The following ATP2C2 variants were observed in gnomAD, a reference collection of about 807,000 sequenced individuals.
ATP2C2 encodes the protein ATPase secretory pathway Ca2+ transporting 2.
Under a neutral mutation model 110.8 loss-of-function variants are expected in ATP2C2, and 171 were observed. That is an observed-to-expected ratio of 1.54 (90% CI 1.36 to 1.75). The LOEUF (loss-of-function observed/expected upper bound fraction) is 1.75, where lower values mean the gene tolerates loss of function less well. ATP2C2 is among the 40% of genes most tolerant of loss of function. ATP2C2 has a pLI of 0.00. For missense variants in ATP2C2, 1,963 were observed against 1,235.0 expected (o/e 1.59, Z -8.84); for synonymous variants, 804 against 508.4 (o/e 1.58, Z -7.82).
chr16:84,453,087 G>A (rs556731945), intron 18 of ATP2C2, 51 bp from the exon 19 acceptor site: 2 of 1,542,826 alleles, frequency 1.3e-6, no homozygotes, highest in East Asian at 2.4e-5. Flanking sequence ...CGGGAGTGAG[G>A]GGTGGGGACG....
rs112540313 is a variant in ATP2C2, at chr16:84,370,675, CT to C, written c.99+1974del. Among the ~76,000 whole-genome samples the C allele has an allele frequency of 5.6e-3, 808 of 143,606 alleles. 6 individuals carry two copies. The highest frequency in any genetic ancestry group is 0.013 in the African/African-American group (506 of 39,106). The allele number at this position is 143,606 out of a possible 152,430, so 94.2% of individuals were successfully genotyped here. ...TCACTTCTACAATAGTTGGAATTGT[CT>C]TTTTTTTTTTTTGCGTTATTTCATA... On this transcript the variant is annotated intron_variant, in intron 1 of 26. Coordinates refer to ENST00000262429, the MANE Select transcript of ATP2C2 (RefSeq NM_014861.4).
chr16:84,447,910 ATTAT>A (rs1567733906), intron 16 of ATP2C2, among the ~76,000 whole-genome samples: 4 of 116,282 alleles, frequency 3.4e-5, no homozygotes, highest in African/African-American at 1.2e-4. Flanking sequence ...TTAATATTAT[ATTAT>A]CTTATAACAG....
chr16:84,444,945 C>G (rs1377190206), intron 15 of ATP2C2, among the ~76,000 whole-genome samples: 2 of 152,142 alleles, frequency 1.3e-5, no homozygotes, highest in African/African-American at 4.8e-5. Context: ...CATTATTGCT[C>G]CTGGATTAGG....
In ATP2C2 at chr16:84,407,925, A is replaced by G. The variant is rs551021144; in HGVS notation, c.328-480A>G. 6.6e-5 allele frequency among the ~76,000 whole-genome samples: 10 copies of G among 152,340 alleles called. No homozygotes were observed. The South Asian group carries it at 1.9e-3, about 28-fold the overall frequency. ...GGCAGATATATAAAATAAAGTAAAA[A>G]TCTTCTCAGGAAGTTTTGGGAACGG... On this transcript the variant is annotated intron_variant, in intron 3 of 26. Transcript: ENST00000262429.
intron 11 of ATP2C2, among the ~76,000 whole-genome samples, chr16:84,435,532 A>G (rs1175647020): frequency 1.3e-5 from 2 of 152,226 alleles, no homozygotes; most frequent in East Asian, 3.8e-4. Context: ...CAGAGGATAA[A>G]AACAGCCACC....
chr16:84,390,206 A>G (rs56321648), intron 1 of ATP2C2, among the ~76,000 whole-genome samples: 3 of 152,226 alleles, frequency 2.0e-5, no homozygotes, highest in African/African-American at 7.2e-5. Context: ...CAAGTTCGCA[A>G]TGAACCGAAT....
chr16:84,459,006 C>A lies in ATP2C2; in HGVS notation c.2148-114C>A, dbSNP rs115332632. The A allele has an allele frequency of 1.3e-4, 156 of 1,168,472 alleles. 1 individual carries two copies. The African/African-American group carries it at 2.1e-3, about 16-fold the overall frequency. 72.4% of individuals were successfully genotyped at this position (1,168,472 alleles called of 1,614,324 possible). On this transcript the variant is annotated intron_variant, in intron 21 of 26. Coordinates refer to ENST00000262429, the MANE Select transcript of ATP2C2 (RefSeq NM_014861.4). ...TGCCAGCAAGGGGAACCAGCAGGGG[C>A]CCAAGTATAACATCAATCTGGGCGA...
At chr16:84,400,412 C>T (rs1380806391) in intron 2 of ATP2C2, among the ~76,000 whole-genome samples, 4 of 151,760 alleles carry the variant, frequency 2.6e-5, no homozygotes, top group African/African-American at 7.3e-5. Context: ...CTGCAAGCTC[C>T]GCCTCCTGGG....
intron 11 of ATP2C2, among the ~76,000 whole-genome samples, chr16:84,429,254 C>T (rs1175225745): frequency 6.6e-6 from 1 of 152,176 alleles, no homozygotes; most frequent in African/African-American, 2.4e-5. Context: ...CAGGTTCATG[C>T]AATTCTCCTG....
intron 4 of ATP2C2, among the ~76,000 whole-genome samples, chr16:84,409,650 T>TGC (rs1906095511): frequency 6.6e-6 from 1 of 152,060 alleles, no homozygotes; most frequent in African/African-American, 2.4e-5. Flanking sequence ...CCGCCACCAC[T>TGC]CCTGGTTAAT....
intron 26 of ATP2C2, among the ~76,000 whole-genome samples, 188 bp from the exon 27 acceptor site, chr16:84,463,426 G>C (rs1031060663): frequency 3.3e-5 from 5 of 152,140 alleles, no homozygotes; most frequent in African/African-American, 1.2e-4. Context: ...GGAACCACAG[G>C]CAGGCCCTTC....
intron 11 of ATP2C2, among the ~76,000 whole-genome samples, chr16:84,429,649 G>C (rs966536188): frequency 1.3e-5 from 2 of 152,056 alleles, no homozygotes; most frequent in Non-Finnish European, 1.5e-5. Flanking sequence ...GAATCGATGG[G>C]AATCAAGGGC....
At chr16:84,452,174 C>G (rs559920693) in intron 18 of ATP2C2, 83 bp downstream of exon 18, 1 of 1,551,240 alleles carries the variant, frequency 6.4e-7, no homozygotes, top group Non-Finnish European at 8.8e-7. Flanking sequence ...GGGAAGCCTC[C>G]GCAAACTCGG....
At chr16:84,370,652 A>C (rs1405132035) in intron 1 of ATP2C2, among the ~76,000 whole-genome samples, 2 of 148,746 alleles carry the variant, frequency 1.3e-5, no homozygotes, top group Admixed American at 1.3e-4. Context: ...TGAGGTGATC[A>C]CTTCTACAAT....
intron 1 of ATP2C2, among the ~76,000 whole-genome samples, chr16:84,370,737 T>C (rs1909906139): frequency 6.6e-6 from 1 of 151,464 alleles, no homozygotes; most frequent in Admixed American, 6.6e-5. Context: ...CACTCCTCAA[T>C]AGAACCGTCT....
intron 1 of ATP2C2, among the ~76,000 whole-genome samples, chr16:84,379,764 G>T (rs1049684900): frequency 3.3e-5 from 5 of 152,140 alleles, no homozygotes; most frequent in African/African-American, 1.2e-4. Context: ...TGAGCAAAGC[G>T]CTGATCCTAC....
chr16:84,450,541 C>G (rs925549290), intron 17 of ATP2C2, among the ~76,000 whole-genome samples: 2 of 152,102 alleles, frequency 1.3e-5, no homozygotes, highest in African/African-American at 4.8e-5. Context: ...GCAGGGGATG[C>G]TCCTGGGTTG....
Position 84,463,782 on chromosome 16 carries a change from C to T in ATP2C2, c.*50C>T, listed in dbSNP as rs376838797. The T allele has an allele frequency of 5.4e-6, 8 of 1,491,268 alleles. No homozygotes were observed. The African/African-American group carries it at 8.3e-5, about 16-fold the overall frequency. 92.4% of individuals were successfully genotyped at this position (1,491,268 alleles called of 1,614,324 possible). ...CCTAATCATCTCGATCTGGTTGTGACTGTGGCCCCTGCCGTGTCTCCTCGT... is the reference window on the plus strand; with the variant it reads ...CCTAATCATCTCGATCTGGTTGTGATTGTGGCCCCTGCCGTGTCTCCTCGT... On this transcript the variant is annotated 3_prime_UTR_variant, in exon 27 of 27. Coordinates refer to ENST00000262429, the MANE Select transcript of ATP2C2 (RefSeq NM_014861.4).
chr16:84,448,368 T>A (rs1052484518), intron 16 of ATP2C2, among the ~76,000 whole-genome samples, 165 bp from the exon 17 acceptor site: 1 of 152,196 alleles, frequency 6.6e-6, no homozygotes, highest in African/African-American at 2.4e-5. Flanking sequence ...ATTCTAGAAC[T>A]TCGCGAACCT....
Sources: gnomAD v4.1 joint callset for allele counts (sites outside exome capture counted in the v4.1 genomes callset) on GRCh38, gnomAD v4.1.1 for gene constraint, MANE v1.5 for transcripts, NCBI Gene and HGNC (gene_info 2026-07-23, HGNC 2026-07-21) for gene names.